HACD2: variants seen among roughly 807,000 people sequenced by gnomAD.
HACD2 encodes the protein 3-hydroxyacyl-CoA dehydratase 2.
A neutral mutation model predicts 31.0 loss-of-function variants in HACD2; 15 were observed. The ratio of observed to expected loss-of-function variants is 0.48; its 90% CI spans 0.32 to 0.75. The LOEUF is 0.75. Among genes scored for constraint, HACD2 ranks in the 30% least tolerant of loss-of-function variants. The pLI is 0.03. For missense variants in HACD2, 283 were observed against 313.0 expected, an observed-to-expected ratio of 0.90 and a Z score of 0.72; for synonymous variants, 115 against 122.2, an observed-to-expected ratio of 0.94 and a Z score of 0.39.
intron 3 of HACD2, among the ~76,000 whole-genome samples, chr3:123,561,789 A>C (rs936570151): frequency 1.3e-5 from 2 of 152,086 alleles, no homozygotes; most frequent in African/African-American, 4.8e-5. Context: ...AAAAAAAAAA[A>C]AACATATCTC....
intron 2 of HACD2, among the ~76,000 whole-genome samples, chr3:123,574,580 T>C (rs2056888408): frequency 6.6e-6 from 1 of 152,208 alleles, no homozygotes; most frequent in Non-Finnish European, 1.5e-5. Flanking sequence ...TAAAATAAGC[T>C]GCCTATTGTC....
intron 3 of HACD2, among the ~76,000 whole-genome samples, chr3:123,530,825 T>G (rs758535297): frequency 8.5e-5 from 13 of 152,198 alleles, no homozygotes; most frequent in Non-Finnish European, 1.9e-4. Flanking sequence ...ATGCTGAGAT[T>G]ACAGGCGTGA....
At position 123,493,319 on chromosome 3, in the gene HACD2, G is replaced by A. The variant is rs1224940456; in HGVS notation, c.*1569C>T. 6.6e-6 allele frequency: 1 copy of A among 152,190 alleles called. No individual in the cohort carries two copies. 9.4% of individuals were successfully genotyped at this position (152,190 alleles called of 1,614,324 possible). A position where few individuals can be genotyped will look rare whatever the true frequency, so the allele number is the denominator to read the frequency against. Reference sequence around the variant, plus strand: ...TGCAGTGAGCTGAGATCGCGCCACTGCACTCCAGCCTGGGCAACAGAGCGA... The same window carrying A: ...TGCAGTGAGCTGAGATCGCGCCACTACACTCCAGCCTGGGCAACAGAGCGA... On this transcript the variant is annotated 3_prime_UTR_variant, in exon 7 of 7. Transcript: ENST00000383657.
At position 123,494,229 on chromosome 3, in the gene HACD2, C is replaced by T. The variant is rs376967779; in HGVS notation, c.*659G>A. 3 of 152,682 alleles carry T rather than the reference C, an allele frequency of 2.0e-5. No homozygotes were observed. Among genetic ancestry groups the T allele is most frequent in the African/African-American group, 2.4e-5 (1 of 41,564 alleles). 9.5% of individuals were successfully genotyped at this position (152,682 alleles called of 1,614,324 possible). A position where few individuals can be genotyped will look rare whatever the true frequency, so the allele number is the denominator to read the frequency against. ...CACACATACTTATTAGATTCAAGCACGTTTCTTAGTGGCAGGCAGTAATGA... is the reference window on the plus strand; with the variant it reads ...CACACATACTTATTAGATTCAAGCATGTTTCTTAGTGGCAGGCAGTAATGA... On this transcript the variant is annotated 3_prime_UTR_variant, in exon 7 of 7. Transcript: ENST00000383657.
Position 123,535,458 on chromosome 3 carries a change from C to T in HACD2, c.293-6984G>A, listed in dbSNP as rs148551189. On this transcript the variant is annotated intron_variant, in intron 3 of 6. Transcript: ENST00000383657. ...CAACAGCAACAACTACAAAAATTAC[C>T]AGCAGCAACCAAAAAGCAATAGGTA... Among the ~76,000 whole-genome samples the T allele has an allele frequency of 6.9e-4, 105 of 152,206 alleles. 1 individual carries two copies. The East Asian group carries it at 0.017, about 25-fold the overall frequency.
intron 3 of HACD2, among the ~76,000 whole-genome samples, chr3:123,561,796 T>C (rs183645502): frequency 6.6e-6 from 1 of 151,204 alleles, no homozygotes; most frequent in East Asian, 1.9e-4. Context: ...AAAAAACATA[T>C]CTCAGGGTGG....
chr3:123,581,293 T>C (rs957806919), intron 2 of HACD2, among the ~76,000 whole-genome samples: 1 of 152,168 alleles, frequency 6.6e-6, no homozygotes, highest in African/African-American at 2.4e-5. Context: ...CGGCTATTGA[T>C]TTTGTGTGCC....
rs538008335 is a variant in HACD2 at position 123,575,438 on chromosome 3, C to T, written c.273+6774G>A. Among the ~76,000 whole-genome samples the T allele has an allele frequency of 2.0e-5, 3 of 152,216 alleles. No homozygotes were observed. In the South Asian group the frequency reaches 6.2e-4, roughly 31 times the overall value. On this transcript the variant is annotated intron_variant, in intron 2 of 6. Coordinates refer to ENST00000383657, the MANE Select transcript of HACD2 (RefSeq NM_198402.5). Reference sequence around the variant, plus strand: ...GACCAAAAGTAAATAAAATTAAAAACTCAGTTTCTCAGACCCACTAGCCAC... The same window carrying T: ...GACCAAAAGTAAATAAAATTAAAAATTCAGTTTCTCAGACCCACTAGCCAC...
At chr3:123,575,693 G>A (rs2056901100) in intron 2 of HACD2, among the ~76,000 whole-genome samples, 1 of 152,158 alleles carries the variant, frequency 6.6e-6, no homozygotes, top group Non-Finnish European at 1.5e-5. Flanking sequence ...CCAGCTTTAG[G>A]AAACTGCATG....
chr3:123,556,221 G>A (rs1226123487), intron 3 of HACD2, among the ~76,000 whole-genome samples: 17 of 151,972 alleles, frequency 1.1e-4, no homozygotes, highest in Non-Finnish European at 1.5e-5. Context: ...CAGATCTATT[G>A]ACCCCAGGAG....
chr3:123,541,538 T>G (rs1291036068), intron 3 of HACD2, among the ~76,000 whole-genome samples: 1 of 152,184 alleles, frequency 6.6e-6, no homozygotes, highest in Non-Finnish European at 1.5e-5. Context: ...ATGGGAAAGA[T>G]TCTCTATGTA....
In HACD2 at chr3:123,575,698, T is replaced by G. The variant is rs139340479; in HGVS notation, c.273+6514A>C. The stretch of plus-strand genomic sequence containing the variant: ...CAAAATGTTTCCAGCTTTAGGAAAC[T>G]GCATGGTCTGTTATCCAGGAACCTA... On this transcript the variant is annotated intron_variant, in intron 2 of 6. Transcript: ENST00000383657. Among the ~76,000 whole-genome samples the G allele has an allele frequency of 7.9e-5, 12 of 152,358 alleles. No homozygotes were observed. The East Asian group carries it at 2.3e-3, about 29-fold the overall frequency.
intron 3 of HACD2, among the ~76,000 whole-genome samples, chr3:123,556,837 T>C (rs998315000): frequency 1.3e-5 from 2 of 152,180 alleles, no homozygotes; most frequent in African/African-American, 4.8e-5. Context: ...CAAATGAGCA[T>C]ATGAAAAGAT....
At chr3:123,578,369 C>T (rs1034531066) in intron 2 of HACD2, among the ~76,000 whole-genome samples, 5 of 152,144 alleles carry the variant, frequency 3.3e-5, no homozygotes, top group African/African-American at 1.2e-4. Flanking sequence ...CTCCTGGGCA[C>T]AAGTGATCCT....
chr3:123,498,751 G>T (rs137987098), intron 6 of HACD2, among the ~76,000 whole-genome samples: 120 of 152,296 alleles, frequency 7.9e-4, no homozygotes, highest in Admixed American at 3.3e-3. Context: ...TCTGGGGTCA[G>T]TGTTTTCTCT....
At chr3:123,568,859 T>C (rs2062804678) in intron 2 of HACD2, among the ~76,000 whole-genome samples, 1 of 152,196 alleles carries the variant, frequency 6.6e-6, no homozygotes, top group Non-Finnish European at 1.5e-5. Flanking sequence ...AATCTCTACT[T>C]GCAGACAAGA....
At chr3:123,509,877 C>T (rs1369536667) in intron 4 of HACD2, among the ~76,000 whole-genome samples, 1 of 152,014 alleles carries the variant, frequency 6.6e-6, no homozygotes, top group Non-Finnish European at 1.5e-5. Context: ...AGAAGGGAGT[C>T]AATGTCTATC....
At chr3:123,503,100 C>CA (rs763153482) in intron 4 of HACD2, among the ~76,000 whole-genome samples, 1 of 151,936 alleles carries the variant, frequency 6.6e-6, no homozygotes, top group African/African-American at 2.4e-5. Flanking sequence ...CCTGTTTCCA[C>CA]AAAAAATACA....
At chr3:123,501,905 A>AG (rs1361610521) in intron 5 of HACD2, among the ~76,000 whole-genome samples, 3 of 152,162 alleles carry the variant, frequency 2.0e-5, no homozygotes, top group Non-Finnish European at 2.9e-5. Context: ...CCACCAAATA[A>AG]GGCATTTCGG....
Sources: gnomAD v4.1 joint callset for allele counts (sites outside exome capture counted in the v4.1 genomes callset) on GRCh38, gnomAD v4.1.1 for gene constraint, MANE v1.5 for transcripts, NCBI Gene and HGNC (gene_info 2026-07-23, HGNC 2026-07-21) for gene names.